The following DNAAF5 variants were observed in gnomAD, a reference collection of about 807,000 sequenced individuals.
DNAAF5 encodes the protein HEAT repeat containing 2.
Under a neutral mutation model 75.8 loss-of-function variants are expected in DNAAF5, and 64 were observed. The observed-to-expected ratio is 0.84, with a 90% CI of 0.69 to 1.04. The LOEUF (loss-of-function observed/expected upper bound fraction) is 1.04. Ranked by LOEUF, DNAAF5 falls within the 50% of genes least tolerant of loss-of-function variation. DNAAF5 has a pLI of 0.00. For missense variants in DNAAF5, 1,269 were observed against 1,178.5 expected, an observed-to-expected ratio of 1.08 and a Z score of -1.12; for synonymous variants, 657 against 557.2, an observed-to-expected ratio of 1.18 and a Z score of -2.52.
At chr7:763,066 G>A (rs1317118351) in intron 7 of DNAAF5, among the ~76,000 whole-genome samples, 2 of 152,092 alleles carry the variant, frequency 1.3e-5, no homozygotes, top group East Asian at 3.9e-4. Context: ...TTCTCTCTCT[G>A]GGAGATTTAC....
chr7:767,514 C>T (rs915967048), intron 8 of DNAAF5, among the ~76,000 whole-genome samples: 2 of 152,210 alleles, frequency 1.3e-5, no homozygotes, highest in African/African-American at 4.8e-5. Context: ...GACCCAAATA[C>T]CTCATACGAA....
At chr7:732,023 G>C (rs1224925463) in intron 2 of DNAAF5, among the ~76,000 whole-genome samples, 4 of 152,198 alleles carry the variant, frequency 2.6e-5, no homozygotes, top group African/African-American at 9.7e-5. Flanking sequence ...CAGCCTGCTA[G>C]ACTCGGCTTA....
chr7:767,025 G>A (rs1029300810), intron 8 of DNAAF5, among the ~76,000 whole-genome samples: 1 of 151,964 alleles, frequency 6.6e-6, no homozygotes, highest in Admixed American at 6.6e-5. Context: ...AGATCCCGAT[G>A]TCAGGAGATC....
chr7:733,284 G>A (rs1177659512), intron 2 of DNAAF5, among the ~76,000 whole-genome samples: 3 of 152,092 alleles, frequency 2.0e-5, no homozygotes, highest in Admixed American at 6.6e-5. Flanking sequence ...GCTATTCAAC[G>A]TCTTTCGAGG....
In DNAAF5 at chr7:745,466, A is replaced by G. The variant is rs543680656; in HGVS notation, c.1024+4001A>G. On this transcript the variant is annotated intron_variant, in intron 4 of 12. Coordinates refer to ENST00000297440, the MANE Select transcript of DNAAF5 (RefSeq NM_017802.4). ...CATATTCACATGCATGCACATGTAC[A>G]CACACACCTGTGCACACATGTACAT... 3.8e-3 allele frequency among the ~76,000 whole-genome samples: 534 copies of G among 141,726 alleles called. 5 individuals are homozygous for G. The highest frequency in any genetic ancestry group is 0.013 in the African/African-American group (509 of 40,104). 93.0% of individuals were successfully genotyped at this position (141,726 alleles called of 152,430 possible).
intron 11 of DNAAF5, among the ~76,000 whole-genome samples, chr7:779,588 G>A (rs538152985): frequency 2.6e-5 from 4 of 152,290 alleles, no homozygotes; most frequent in East Asian, 1.9e-4. Flanking sequence ...TGGCCAGCTC[G>A]GGGATCTGAG....
intron 4 of DNAAF5, among the ~76,000 whole-genome samples, chr7:747,713 G>C: frequency 9.8e-6 from 1 of 101,778 alleles, no homozygotes; most frequent in African/African-American, 3.7e-5. Context: ...CGGTGTTGGT[G>C]GGGTTTGCTG....
chr7:763,635 C>T (rs1258840342), intron 7 of DNAAF5, among the ~76,000 whole-genome samples, 171 bp from the exon 8 acceptor site: 1 of 152,214 alleles, frequency 6.6e-6, no homozygotes, highest in African/African-American at 2.4e-5. Flanking sequence ...CCGCGGCTCT[C>T]GCTCTCCTGC....
chr7:781,227 T>C (rs1393817093), intron 12 of DNAAF5, among the ~76,000 whole-genome samples: 1 of 152,194 alleles, frequency 6.6e-6, no homozygotes, highest in African/African-American at 2.4e-5. Flanking sequence ...TCTATCTCCA[T>C]GAGTTGAATT....
chr7:747,352 GAC>G, intron 4 of DNAAF5, among the ~76,000 whole-genome samples: 1 of 152,242 alleles, frequency 6.6e-6, no homozygotes, highest in East Asian at 1.9e-4. Flanking sequence ...GTCCAGTGTT[GAC>G]ACACGGTATT....
At chr7:729,507 G>A (rs1207243769) in intron 1 of DNAAF5, among the ~76,000 whole-genome samples, 156 bp from the exon 2 acceptor site, 2 of 152,254 alleles carry the variant, frequency 1.3e-5, no homozygotes, top group Non-Finnish European at 2.9e-5. Context: ...CTCCTTGGCA[G>A]CCTGGATTGT....
At chr7:758,250 G>T (rs1209701715) in intron 6 of DNAAF5, among the ~76,000 whole-genome samples, 2 of 152,144 alleles carry the variant, frequency 1.3e-5, no homozygotes, top group Admixed American at 6.5e-5. Flanking sequence ...TTCCTAGAAG[G>T]GCATAACTTG....
chr7:741,329 CTG>C lies in DNAAF5; in HGVS notation c.906-16_906-15del, dbSNP rs1781902576. 6.4e-7 allele frequency: 1 copy of C among 1,572,496 alleles called. No individual in the cohort carries two copies. The highest frequency in any genetic ancestry group is 8.7e-7 in the Non-Finnish European group (1 of 1,155,172). On this transcript the variant is annotated splice_polypyrimidine_tract_variant and intron_variant, in intron 3 of 12. Coordinates refer to ENST00000297440, the MANE Select transcript of DNAAF5 (RefSeq NM_017802.4). ...GTGCCCTGCCCTGAGCCACTGTTGT[CTG>C]TCTGTTGTGCCTCAGGCAGCTGGCT...
intron 7 of DNAAF5, among the ~76,000 whole-genome samples, chr7:763,049 C>T (rs577832110): frequency 3.3e-5 from 5 of 152,310 alleles, no homozygotes; most frequent in Admixed American, 2.6e-4. Context: ...CAGCCCCTCT[C>T]GGCAGATTCT....
chr7:758,035 A>G (rs1782541858), intron 6 of DNAAF5, among the ~76,000 whole-genome samples: 1 of 152,254 alleles, frequency 6.6e-6, no homozygotes, highest in South Asian at 2.1e-4. Flanking sequence ...CATAGAGGGA[A>G]GGAAACGGAG....
At chr7:778,499 C>G (rs1469146131) in intron 11 of DNAAF5, 1 of 152,312 alleles carries the variant, frequency 6.6e-6, no homozygotes, top group African/African-American at 2.4e-5. Context: ...TTCTGCCTGG[C>G]TTAGTCGTGC....
chr7:744,088 C>G (rs1016821502), intron 4 of DNAAF5, among the ~76,000 whole-genome samples: 1 of 152,046 alleles, frequency 6.6e-6, no homozygotes, highest in Non-Finnish European at 1.5e-5. Flanking sequence ...ATCCCTCCCC[C>G]CTCACCTCAC....
intron 11 of DNAAF5, among the ~76,000 whole-genome samples, chr7:777,235 A>G (rs975386571): frequency 3.3e-5 from 5 of 152,278 alleles, no homozygotes; most frequent in African/African-American, 1.2e-4. Flanking sequence ...TCCATGGAAA[A>G]TTGTCTTCCA....
intron 5 of DNAAF5, among the ~76,000 whole-genome samples, chr7:755,405 C>T (rs1228922482): frequency 6.6e-6 from 1 of 152,240 alleles, no homozygotes; most frequent in Non-Finnish European, 1.5e-5. Flanking sequence ...CCTGCGCTGA[C>T]AGTCACCACC....
Sources: gnomAD v4.1 joint callset for allele counts (sites outside exome capture counted in the v4.1 genomes callset) on GRCh38, gnomAD v4.1.1 for gene constraint, MANE v1.5 for transcripts, NCBI Gene and HGNC (gene_info 2026-07-23, HGNC 2026-07-21) for gene names.